Variants in ADCY5 observed in about 807,000 individuals in gnomAD.
The protein encoded by ADCY5 is adenylate cyclase type 5.
In ADCY5, 30 loss-of-function variants were observed where a neutral mutation model predicts 119.7. The observed-to-expected ratio is 0.25, with a 90% CI of 0.19 to 0.34. The LOEUF is 0.34. Among genes scored for constraint, ADCY5 ranks in the 10% least tolerant of loss-of-function variants. The probability of loss-of-function intolerance (pLI) is 1.00; values close to 1 mark genes in which losing one functional copy is unlikely to be tolerated. For synonymous variants in ADCY5, 753 were observed against 762.2 expected, an observed-to-expected ratio of 0.99 and a Z score of 0.20; for missense variants, 1,324 against 1,775.2, an observed-to-expected ratio of 0.75 and a Z score of 4.57.
chr3:123,300,311 A>C lies in ADCY5; in HGVS notation c.2725-16T>G. The C allele has an allele frequency of 1.2e-6, 2 of 1,611,868 alleles. No homozygotes were observed. Among genetic ancestry groups the C allele is most frequent in the Non-Finnish European group, 1.7e-6 (2 of 1,179,474 alleles). On this transcript the variant is annotated splice_polypyrimidine_tract_variant and intron_variant, in intron 14 of 20. Transcript: ENST00000462833. ...AGGTGAAGTACTGCGGGCAGAGGGC[A>C]GCAGCATCAGCTCCCCAGGCCCTGC...
In ADCY5 at chr3:123,283,363, T is replaced by A. The variant is rs999437465; in HGVS notation, c.*1245A>T. The A allele has an allele frequency of 5.9e-5, 9 of 152,224 alleles. No homozygotes were observed. The highest frequency in any genetic ancestry group is 1.3e-4 in the Non-Finnish European group (9 of 68,032). 9.4% of individuals were successfully genotyped at this position (152,224 alleles called of 1,614,324 possible). A position where few individuals can be genotyped will look rare whatever the true frequency, so the allele number is the denominator to read the frequency against. On this transcript the variant is annotated 3_prime_UTR_variant, in exon 21 of 21. Coordinates refer to ENST00000462833, the MANE Select transcript of ADCY5 (RefSeq NM_183357.3). Reference sequence around the variant, plus strand: ...GGTGTGGAGGGCACCACACTGCCTGTCGCAGGATGAGATTGCTTCCCTTGG... The same window carrying A: ...GGTGTGGAGGGCACCACACTGCCTGACGCAGGATGAGATTGCTTCCCTTGG...
At chr3:123,344,115 G>A (rs1023502042) in intron 3 of ADCY5, among the ~76,000 whole-genome samples, 3 of 152,148 alleles carry the variant, frequency 2.0e-5, no homozygotes, top group Admixed American at 6.5e-5. Context: ...CTGACACCCC[G>A]CCCTATCCAA....
chr3:123,376,037 C>T (rs1045669482), intron 1 of ADCY5, among the ~76,000 whole-genome samples: 29 of 151,332 alleles, frequency 1.9e-4, no homozygotes, highest in African/African-American at 7.0e-4. Context: ...CCTGAAAGGC[C>T]TTAATCCGCC....
chr3:123,285,850 A>G (rs576230391), intron 20 of ADCY5, among the ~76,000 whole-genome samples: 1 of 152,350 alleles, frequency 6.6e-6, no homozygotes, highest in South Asian at 2.1e-4. Flanking sequence ...CAGCATCCAC[A>G]CCTCAGCCAG....
At chr3:123,319,082 G>A (rs1941077127) in intron 10 of ADCY5, among the ~76,000 whole-genome samples, 1 of 152,178 alleles carries the variant, frequency 6.6e-6, no homozygotes, top group Admixed American at 6.5e-5. Flanking sequence ...TGCTGGGCAT[G>A]GTGGCTCACA....
intron 15 of ADCY5, among the ~76,000 whole-genome samples, chr3:123,298,559 CAAG>C (rs1409505885): frequency 2.0e-5 from 3 of 152,194 alleles, no homozygotes; most frequent in South Asian, 2.1e-4. Flanking sequence ...ACACAACCAC[CAAG>C]AAGTTCTTCC....
At position 123,448,488 on chromosome 3, in the gene ADCY5, G is replaced by A; in HGVS notation, c.58C>T (p.Pro20Ser). Residue 20 changes from proline (P) to serine (S), a missense_variant, in exon 1 of 21, where the codon CCG becomes TCG. Physicochemically the swap from Pro to Ser is moderately conservative, Grantham distance 74. Coordinates refer to ENST00000462833, the MANE Select transcript of ADCY5 (RefSeq NM_183357.3). ...PGYAAQKTAA[P>S]APRGGPEHRS... is the part of the protein sequence containing the mutation. Reference sequence around the variant, plus strand: ...TGTTCGGGGCCTCCCCGGGGCGCCGGCGCCGCAGTCTTCTGCGCCGCGTAG... The same window carrying A: ...TGTTCGGGGCCTCCCCGGGGCGCCGACGCCGCAGTCTTCTGCGCCGCGTAG... 7.9e-7 allele frequency: 1 copy of A among 1,269,126 alleles called. No individual in the cohort carries two copies. Among genetic ancestry groups the A allele is most frequent in the Non-Finnish European group, 9.9e-7 (1 of 1,009,050 alleles). The allele number at this position is 1,269,126 out of a possible 1,614,324, so 78.6% of individuals were successfully genotyped here.
intron 1 of ADCY5, among the ~76,000 whole-genome samples, chr3:123,358,960 G>C (rs1225802806): frequency 6.6e-6 from 1 of 152,200 alleles, no homozygotes; most frequent in East Asian, 1.9e-4. Flanking sequence ...TGAGTTTTCA[G>C]GGGGCTCCAT....
chr3:123,384,170 C>T (rs1437311097), intron 1 of ADCY5, among the ~76,000 whole-genome samples: 1 of 152,182 alleles, frequency 6.6e-6, no homozygotes, highest in Non-Finnish European at 1.5e-5. Flanking sequence ...GTCAGAGGGC[C>T]TGATGTCACT....
At chr3:123,355,959 G>A (rs965919901) in intron 1 of ADCY5, among the ~76,000 whole-genome samples, 22 of 152,158 alleles carry the variant, frequency 1.4e-4, no homozygotes, top group African/African-American at 5.3e-4. Flanking sequence ...TAGCATAAGG[G>A]TAGAAATATA....
intron 12 of ADCY5, among the ~76,000 whole-genome samples, chr3:123,308,188 C>T (rs1025735064): frequency 2.0e-5 from 3 of 151,876 alleles, no homozygotes; most frequent in South Asian, 2.1e-4. Context: ...CGCCCACCAC[C>T]ACGCCCGGCT....
intron 1 of ADCY5, among the ~76,000 whole-genome samples, chr3:123,423,397 C>T (rs545386788): frequency 7.9e-5 from 12 of 152,338 alleles, no homozygotes; most frequent in Middle Eastern, 3.4e-3. Flanking sequence ...CTCTTTTTCC[C>T]GCATCCCCAG....
chr3:123,427,846 G>A (rs1176667382), intron 1 of ADCY5, among the ~76,000 whole-genome samples: 1 of 152,196 alleles, frequency 6.6e-6, no homozygotes, highest in Non-Finnish European at 1.5e-5. Context: ...AGGGTCTGTG[G>A]CTTGTTCATC....
At chr3:123,405,605 ATTTATTTTATTTTATTTTACTCCAT>A (rs1454530089) in intron 1 of ADCY5, among the ~76,000 whole-genome samples, 3 of 152,010 alleles carry the variant, frequency 2.0e-5, no homozygotes, top group Admixed American at 2.0e-4. Flanking sequence ...ATTTTATTTT[ATTTATTTTATTTTATTTTACTCCAT>A]TTTATTTTAT....
Position 123,296,105 on chromosome 3 carries a change from G to A in ADCY5, c.3042C>T (p.Leu1014=), listed in dbSNP as rs761362128. ...HAQQVESTAR[L]DFLWKLQATE... Reference sequence around the variant, plus strand: ...CCACCTGCAGTTTCCAGAGGAAGTCGAGGCGGGCAGTGGACTCCACCTGCT... The same window carrying A: ...CCACCTGCAGTTTCCAGAGGAAGTCAAGGCGGGCAGTGGACTCCACCTGCT... Residue 1014 remains leucine (L), a synonymous_variant, in exon 17 of 21, where the codon CTC becomes CTT. Coordinates refer to ENST00000462833, the MANE Select transcript of ADCY5 (RefSeq NM_183357.3). 10 of 1,613,944 alleles carry A rather than the reference G, an allele frequency of 6.2e-6. No homozygotes were observed. The highest frequency in any genetic ancestry group is 1.7e-5 in the Admixed American group (1 of 60,004).
rs571136152 is a variant in ADCY5 at position 123,327,710 on chromosome 3, C to G, written c.1855G>C (p.Glu619Gln). The G allele has an allele frequency of 6.2e-7, 1 of 1,614,024 alleles. No homozygotes were observed. Among genetic ancestry groups the G allele is most frequent in the African/African-American group, 1.3e-5 (1 of 74,998 alleles). Reference protein sequence around the residue: ...ATLNYLNGDYEVEPGCGGERN... With the variant: ...ATLNYLNGDYQVEPGCGGERN... ...TCGCCCCCACAGCCTGGCTCCACCT[C>G]GTAGTCCCCATTCAGGTAGTTGAGT... is the stretch of plus-strand genomic sequence containing the variant. The change falls in exon 7 of 21, where the codon GAG becomes CAG. Residue 619 changes from glutamate to glutamine, a missense_variant. By Grantham distance (29) the Glu-to-Gln change is conservative. Coordinates refer to ENST00000462833, the MANE Select transcript of ADCY5 (RefSeq NM_183357.3).
intron 11 of ADCY5, among the ~76,000 whole-genome samples, chr3:123,316,190 AC>A (rs144467700): frequency 4.0e-5 from 6 of 151,518 alleles, no homozygotes; most frequent in Admixed American, 1.3e-4. Context: ...CAAAATGTAG[AC>A]CCCCCCCAAC....
In ADCY5 at chr3:123,300,207, G is replaced by A; in HGVS notation, c.2813C>T (p.Ala938Val). 6.2e-7 allele frequency: 1 copy of A among 1,613,822 alleles called. No individual in the cohort carries two copies. The highest frequency in any genetic ancestry group is 8.5e-7 in the Non-Finnish European group (1 of 1,180,038). The change falls in exon 15 of 21, where the codon GCC becomes GTC. Residue 938 changes from alanine (A) to valine (V), a missense_variant. Ala to Val is a moderately conservative substitution (Grantham distance 64). Coordinates refer to ENST00000462833, the MANE Select transcript of ADCY5 (RefSeq NM_183357.3). The part of the protein sequence containing the change: ...SCIGKLVLML[A>V]IELIYVLIVE... The stretch of plus-strand genomic sequence containing the variant: ...GATGAGCACGTAGATGAGCTCGATG[G>A]CCAGCATGAGCACCAGCTTCCCGAT...
chr3:123,401,499 A>G (rs1944752671), intron 1 of ADCY5, among the ~76,000 whole-genome samples: 1 of 152,240 alleles, frequency 6.6e-6, no homozygotes, highest in South Asian at 2.1e-4. Flanking sequence ...TGGAGCCCAC[A>G]TAGTGGCTGG....
Sources: gnomAD v4.1 joint callset for allele counts (sites outside exome capture counted in the v4.1 genomes callset) on GRCh38, gnomAD v4.1.1 for gene constraint, MANE v1.5 for transcripts, NCBI Gene and HGNC (gene_info 2026-07-23, HGNC 2026-07-21) for gene names.